The following CD93 variants were observed in gnomAD, a reference collection of about 807,000 sequenced individuals.
CD93 encodes CD93 molecule, also known as complement component C1q receptor.
In CD93, 44 loss-of-function variants were observed where a neutral mutation model predicts 45.5. That is an observed-to-expected ratio of 0.97 (90% CI 0.76 to 1.24). CD93 has a LOEUF of 1.24. CD93 is among the 50% of genes most tolerant of loss of function. The pLI is 0.00. For synonymous variants in CD93, 431 were observed against 370.8 expected (o/e 1.16, Z -1.87); for missense variants, 918 against 844.5 (o/e 1.09, Z -1.08).
At position 23,083,631 on chromosome 20, in the gene CD93, C is replaced by T; in HGVS notation, c.*319G>A. The T allele has an allele frequency of 2.3e-6, 1 of 436,326 alleles. No individual in the cohort carries two copies. Among genetic ancestry groups the T allele is most frequent in the East Asian group, 4.2e-5 (1 of 23,636 alleles). 27.0% of individuals were successfully genotyped at this position (436,326 alleles called of 1,614,324 possible). A position where few individuals can be genotyped will look rare whatever the true frequency, so the allele number is the denominator to read the frequency against. On this transcript the variant is annotated 3_prime_UTR_variant, in exon 2 of 2. Coordinates refer to ENST00000246006, the MANE Select transcript of CD93 (RefSeq NM_012072.4). ...GAGCAGAGAAGATATTCAGGGGAGC[C>T]CCTTAGCCCCGGCCTCCTCACACCC...
rs1985333444 is a variant in CD93, at chr20:23,081,932, A to G, written c.*2018T>C. ...TATTTAAGTGCTGATGTTGGTCAGC[A>G]GCGCATCCAGCCATGTCTTTAGAAT... On this transcript the variant is annotated 3_prime_UTR_variant, in exon 2 of 2. Transcript: ENST00000246006. 6.6e-6 allele frequency: 1 copy of G among 152,222 alleles called. No individual in the cohort carries two copies. Among genetic ancestry groups the G allele is most frequent in the Admixed American group, 6.5e-5 (1 of 15,292 alleles). The allele number at this position is 152,222 out of a possible 1,614,324, so 9.4% of individuals were successfully genotyped here.
Position 23,085,601 on chromosome 20 carries a change from G to T in CD93, c.592C>A (p.Gln198Lys). The part of the protein sequence containing the change: ...CRPLALGGPG[Q>K]VTYTTPFQTT... ...TGGAAGGGGGTGGTGTAGGTCACCT[G>T]ACCTGGGCCCCCCAGGGCCAGAGGC... The change falls in exon 1 of 2, where the codon CAG becomes AAG. Residue 198 changes from glutamine (Q) to lysine (K), a missense_variant. By Grantham distance (53) the Gln-to-Lys change is moderately conservative (BLOSUM62 1). Coordinates refer to ENST00000246006, the MANE Select transcript of CD93 (RefSeq NM_012072.4). The T allele has an allele frequency of 6.2e-7, 1 of 1,613,536 alleles. No homozygotes were observed. The highest frequency in any genetic ancestry group is 2.2e-5 in the East Asian group (1 of 44,826).
At position 23,085,490 on chromosome 20, in the gene CD93, T is replaced by G. The variant is rs145122180; in HGVS notation, c.703A>C (p.Ser235Arg). ...CGEGDKDETQSHYFLCKEKAP... is the reference protein window; with the variant it reads ...CGEGDKDETQRHYFLCKEKAP... ...TTCTCCTTGCACAGGAAATAATGACTCTGAGTCTCGTCCTTGTCACCTTCC... is the reference window on the plus strand; with the variant it reads ...TTCTCCTTGCACAGGAAATAATGACGCTGAGTCTCGTCCTTGTCACCTTCC... The change falls in exon 1 of 2, where the codon AGT becomes CGT. Residue 235 changes from serine (S) to arginine (R), a missense_variant. Coordinates refer to ENST00000246006, the MANE Select transcript of CD93 (RefSeq NM_012072.4). 59 of 1,613,860 alleles carry G rather than the reference T, an allele frequency of 3.7e-5. No homozygotes were observed. Among genetic ancestry groups the G allele is most frequent in the Non-Finnish European group, 5.0e-5 (59 of 1,180,028 alleles).
rs555527424 is a variant in CD93 at position 23,084,997 on chromosome 20, C to G, written c.1196G>C (p.Gly399Ala). Reference sequence around the variant, plus strand: ...AAATGAGCCATCTGTGTTGGTGCAGCCCTGGGCGCAAGGCGAGCGACCCAG... The same window carrying G: ...AAATGAGCCATCTGTGTTGGTGCAGGCCTGGGCGCAAGGCGAGCGACCCAG... ...CALGRSPCAQGCTNTDGSFHC... is the reference protein window; with the variant it reads ...CALGRSPCAQACTNTDGSFHC... The change falls in exon 1 of 2, where the codon GGC (glycine) becomes GCC (alanine). Residue 399 changes from glycine (G) to alanine (A), a missense_variant. Gly to Ala is a moderately conservative substitution (Grantham distance 60). Coordinates refer to ENST00000246006, the MANE Select transcript of CD93 (RefSeq NM_012072.4). 6.2e-7 allele frequency: 1 copy of G among 1,613,932 alleles called. No homozygotes were observed. Among genetic ancestry groups the G allele is most frequent in the East Asian group, 2.2e-5 (1 of 44,864 alleles).
Position 23,083,362 on chromosome 20 carries a change from A to T in CD93, c.*588T>A, listed in dbSNP as rs926824538. The T allele has an allele frequency of 1.3e-5, 2 of 152,494 alleles. No homozygotes were observed. Among genetic ancestry groups the T allele is most frequent in the Non-Finnish European group, 2.9e-5 (2 of 68,246 alleles). 9.4% of individuals were successfully genotyped at this position (152,494 alleles called of 1,614,324 possible). ...CCTTGCCACCTAAGAGGTTAATTGC[A>T]CTTCTGGCCATTCTGGAGGATGTCA... On this transcript the variant is annotated 3_prime_UTR_variant, in exon 2 of 2. Coordinates refer to ENST00000246006, the MANE Select transcript of CD93 (RefSeq NM_012072.4).
rs1238100947 is a variant in CD93, at chr20:23,085,079, C to T, written c.1114G>A (p.Gly372Ser). ...TCTCCAGGACCGCCCGGCTCATAGC[C>T]AACCCAGCATTCGCAGCGGAAGCCC... Reference protein sequence around the residue: ...PGGFRCECWVGYEPGGPGEGA... With the variant: ...PGGFRCECWVSYEPGGPGEGA... The change falls in exon 1 of 2, where the codon GGC (glycine) becomes AGC (serine). Residue 372 changes from glycine (G) to serine (S), a missense_variant. Transcript: ENST00000246006. The T allele has an allele frequency of 1.9e-6, 3 of 1,611,288 alleles. No homozygotes were observed. Among genetic ancestry groups the T allele is most frequent in the Admixed American group, 1.7e-5 (1 of 59,736 alleles).
chr20:23,083,806 G>A lies in CD93; in HGVS notation c.*144C>T. 1 of 766,962 alleles carries A rather than the reference G, an allele frequency of 1.3e-6. No individual in the cohort carries two copies. Among genetic ancestry groups the A allele is most frequent in the East Asian group, 2.5e-5 (1 of 39,698 alleles). 47.5% of individuals were successfully genotyped at this position (766,962 alleles called of 1,614,324 possible). On this transcript the variant is annotated 3_prime_UTR_variant, in exon 2 of 2. Coordinates refer to ENST00000246006, the MANE Select transcript of CD93 (RefSeq NM_012072.4). ...TAGAAAATACCTGCATGTTCCAAGGGGCCTTTAAGGAGGAGACTTACAATT... is the reference window on the plus strand; with the variant it reads ...TAGAAAATACCTGCATGTTCCAAGGAGCCTTTAAGGAGGAGACTTACAATT...
chr20:23,086,017 T>C lies in CD93; in HGVS notation c.176A>G (p.Asn59Ser). The change falls in exon 1 of 2, where the codon AAC becomes AGC. Residue 59 changes from asparagine to serine, a missense_variant. Physicochemically the swap from Asn to Ser is conservative, Grantham distance 46. Coordinates refer to ENST00000246006, the MANE Select transcript of CD93 (RefSeq NM_012072.4). ...CTCCTTGCTCTTCACAGTGGCCAGG[T>C]TGCCCCCGTTCTGGTTGCAGTGGTT... ...AQNHCNQNGG[N>S]LATVKSKEEA... The C allele has an allele frequency of 6.2e-7, 1 of 1,610,202 alleles. No individual in the cohort carries two copies.
rs562655027 is a variant in CD93, at chr20:23,085,143, C to T, written c.1050G>A (p.Gln350=). The change falls in exon 1 of 2, where the codon CAG becomes CAA. Residue 350 remains glutamine, a synonymous_variant. Coordinates refer to ENST00000246006, the MANE Select transcript of CD93 (RefSeq NM_012072.4). ...CACACTCCTGGGCACAGGGGGAGTC[C>T]TGGCATTCATCCACGTCCACACAGT... The part of the protein sequence containing the change: ...QLDCVDVDEC[Q]DSPCAQECVN... 6.3e-7 allele frequency: 1 copy of T among 1,582,518 alleles called. No homozygotes were observed. The highest frequency in any genetic ancestry group is 1.2e-5 in the South Asian group (1 of 85,752).
Position 23,084,419 on chromosome 20 carries a change from C to T in CD93, c.1774G>A (p.Ala592Thr), listed in dbSNP as rs1176188672. ...GCCAGGGCCAGCAGGAGTAGGATGG[C>T]CACCACGGTGCCTAGGATGTAGAAT... The part of the protein sequence containing the change: ...LLFYILGTVV[A>T]ILLLLALALG... Residue 592 changes from alanine (A) to threonine (T), a missense_variant, in exon 1 of 2, where the codon GCC (alanine) becomes ACC (threonine). Ala to Thr is a moderately conservative substitution (Grantham distance 58). Coordinates refer to ENST00000246006, the MANE Select transcript of CD93 (RefSeq NM_012072.4). The T allele has an allele frequency of 2.5e-6, 4 of 1,614,232 alleles. No individual in the cohort carries two copies. Among genetic ancestry groups the T allele is most frequent in the Admixed American group, 1.7e-5 (1 of 60,032 alleles).
intron 1 of CD93, 31 bp from the exon 2 acceptor site, chr20:23,084,005 G>T (rs1357658947): frequency 6.2e-7 from 1 of 1,613,514 alleles, no homozygotes; most frequent in Non-Finnish European, 8.5e-7. Flanking sequence ...AGCGTTGGAA[G>T]CCATGGCGCC....
At position 23,084,837 on chromosome 20, in the gene CD93, A is replaced by T; in HGVS notation, c.1356T>A (p.Cys452Ter). Residue 452 changes from cysteine to a stop codon, truncating the protein, a stop_gained, in exon 1 of 2, where the codon TGT (cysteine) becomes TGA (stop). Transcript: ENST00000246006. LOFTEE classifies it high-confidence loss of function. The part of the protein sequence containing the change: ...LCFNTQGSFH[C>*]GCLPGWVLAP... The stretch of plus-strand genomic sequence containing the variant: ...CCAGCACCCAGCCTGGCAGGCAGCC[A>T]CAGTGGAAGGACCCTTGTGTGTTGA... 1 of 1,613,406 alleles carries T rather than the reference A, an allele frequency of 6.2e-7. No individual in the cohort carries two copies. Among genetic ancestry groups the T allele is most frequent in the Non-Finnish European group, 8.5e-7 (1 of 1,179,988 alleles).
Position 23,084,302 on chromosome 20 carries a change from CCCAGG to C in CD93, c.1886_1890del (p.Ser629CysfsTer6). ...GCCCTGCTCTCAGCTCGCTCTGGAA[CCCAGG>C]AGTAACTGTCTGCCGCATTCTGGGG... On this transcript the variant is annotated frameshift_variant, in exon 1 of 2. Transcript: ENST00000246006. LOFTEE classifies it high-confidence loss of function. 1 of 1,614,158 alleles carries C rather than the reference CCCAGG, an allele frequency of 6.2e-7. No homozygotes were observed. Among genetic ancestry groups the C allele is most frequent in the Non-Finnish European group, 8.5e-7 (1 of 1,180,034 alleles).
At position 23,084,634 on chromosome 20, in the gene CD93, G is replaced by A. The variant is rs143062108; in HGVS notation, c.1559C>T (p.Ser520Leu). The change falls in exon 1 of 2, where the codon TCG becomes TTG. Residue 520 changes from serine to leucine, a missense_variant. Transcript: ENST00000246006. ...PKATPTTSRPSLSSDAPITSA... is the reference protein window; with the variant it reads ...PKATPTTSRPLLSSDAPITSA... ...TGTGATGGGGGCGTCAGATGACAGC[G>A]AAGGTCTACTTGTGGTGGGTGTAGC... The A allele has an allele frequency of 7.9e-4, 1,267 of 1,603,416 alleles. 22 individuals are homozygous for A. The Admixed American group carries it at 0.017, about 22-fold the overall frequency.
chr20:23,085,418 T>A lies in CD93; in HGVS notation c.775A>T (p.Ser259Cys). 1.2e-6 allele frequency: 2 copies of A among 1,613,866 alleles called. No individual in the cohort carries two copies. The highest frequency in any genetic ancestry group is 1.7e-6 in the Non-Finnish European group (2 of 1,179,984). The change falls in exon 1 of 2, where the codon AGC (serine) becomes TGC (cysteine). Residue 259 changes from serine to cysteine, a missense_variant. Ser to Cys is a moderately radical substitution (Grantham distance 112). Coordinates refer to ENST00000246006, the MANE Select transcript of CD93 (RefSeq NM_012072.4). ...TTGAAGTTGCAGCCATACTTGGGGC[T>A]GACACAGAGGGGGCCCGAGCTGCCC... ...DWGSSGPLCV[S>C]PKYGCNFNNG...
In CD93 at chr20:23,082,074, C is replaced by T. The variant is rs924158382; in HGVS notation, c.*1876G>A. On this transcript the variant is annotated 3_prime_UTR_variant, in exon 2 of 2. Coordinates refer to ENST00000246006, the MANE Select transcript of CD93 (RefSeq NM_012072.4). ...CCAAATGGACACAGCCTTTGTCTCC[C>T]TTAAGTGTTAAACACCAGAGTTCCA... 1.3e-5 allele frequency: 2 copies of T among 152,174 alleles called. No individual in the cohort carries two copies. Among genetic ancestry groups the T allele is most frequent in the African/African-American group, 4.8e-5 (2 of 41,448 alleles). The allele number at this position is 152,174 out of a possible 1,614,324, so 9.4% of individuals were successfully genotyped here. A position where few individuals can be genotyped will look rare whatever the true frequency, so the allele number is the denominator to read the frequency against.
At position 23,085,279 on chromosome 20, in the gene CD93, G is replaced by C; in HGVS notation, c.914C>G (p.Pro305Arg). 6.2e-7 allele frequency: 1 copy of C among 1,613,962 alleles called. No homozygotes were observed. The highest frequency in any genetic ancestry group is 8.5e-7 in the Non-Finnish European group (1 of 1,180,008). The change falls in exon 1 of 2, where the codon CCT (proline) becomes CGT (arginine). Residue 305 changes from proline to arginine, a missense_variant. Physicochemically the swap from Pro to Arg is moderately radical, Grantham distance 103 (BLOSUM62 -2). Transcript: ENST00000246006. ...CCCACGACATGGGCTGGAGCTGCAA[G>C]GGTTTCGAGAGGCACAGGTCACCAG... is the stretch of plus-strand genomic sequence containing the variant. ...DDLVTCASRN[P>R]CSSSPCRGGA...
In CD93 at chr20:23,084,674, C is replaced by T. The variant is rs140046166; in HGVS notation, c.1519G>A (p.Glu507Lys). ...AATASPTRGP[E>K]GTPKATPTTS... The stretch of plus-strand genomic sequence containing the variant: ...GTGGGTGTAGCCTTGGGGGTGCCCT[C>T]GGGGCCCCTTGTGGGACTGGCTGTT... The change falls in exon 1 of 2, where the codon GAG becomes AAG. Residue 507 changes from glutamate to lysine, a missense_variant. Glu to Lys is a moderately conservative substitution (Grantham distance 56). Transcript: ENST00000246006. 1.7e-5 allele frequency: 27 copies of T among 1,585,108 alleles called. No individual in the cohort carries two copies. Among genetic ancestry groups the T allele is most frequent in the South Asian group, 9.2e-5 (8 of 86,680 alleles).
In CD93 at chr20:23,086,091, G is replaced by A. The variant is rs139614059; in HGVS notation, c.102C>T (p.Thr34=). The A allele has an allele frequency of 4.4e-4, 704 of 1,597,808 alleles. 3 individuals carry two copies. The highest frequency in any genetic ancestry group is 5.7e-4 in the Non-Finnish European group (669 of 1,178,392). Residue 34 remains threonine, a synonymous_variant, in exon 1 of 2, where the codon ACC becomes ACT. Coordinates refer to ENST00000246006, the MANE Select transcript of CD93 (RefSeq NM_012072.4). ...TGCCCGAGTGGGCCGTGTAGCAGGC[G>A]GTCCCCACGCAGACCACCGCCTCCG... ...ADTEAVVCVG[T]ACYTAHSGKL...
Sources: gnomAD v4.1 joint callset for allele counts on GRCh38, gnomAD v4.1.1 for gene constraint, MANE v1.5 for transcripts, NCBI Gene and HGNC (gene_info 2026-07-23, HGNC 2026-07-21) for gene names.